The following PRR27 variants were observed in gnomAD, a reference collection of about 807,000 sequenced individuals.
PRR27 encodes proline-rich protein 27.
Under a neutral mutation model 16.8 loss-of-function variants are expected in PRR27, and 12 were observed. That is an observed-to-expected ratio of 0.71 (90% CI 0.46 to 1.16). The LOEUF is 1.16. Among genes scored for constraint, PRR27 ranks in the 50% most tolerant of loss-of-function variants. PRR27 has a pLI of 0.00. For missense variants in PRR27, 277 were observed against 273.3 expected, an observed-to-expected ratio of 1.01 and a Z score of -0.10; for synonymous variants, 100 against 98.4, an observed-to-expected ratio of 1.02 and a Z score of -0.10.
rs1728677733 is a variant in PRR27 at position 70,162,816 on chromosome 4, T to C, written c.*155T>C. On this transcript the variant is annotated 3_prime_UTR_variant, in exon 5 of 5. Coordinates refer to ENST00000344526, the MANE Select transcript of PRR27 (RefSeq NM_214711.4). ...TGATTTGTTTGTGGTAGTTTTTCCT[T>C]GGACTTAATTTATATTGAAAAAACA... 1 of 152,174 alleles carries C rather than the reference T, an allele frequency of 6.6e-6. No homozygotes were observed. The highest frequency in any genetic ancestry group is 2.4e-5 in the African/African-American group (1 of 41,448). 9.4% of individuals were successfully genotyped at this position (152,174 alleles called of 1,614,324 possible).
rs1728430771 is a variant in PRR27 at position 70,154,418 on chromosome 4, G to T, written c.43G>T (p.Ala15Ser). The stretch of plus-strand genomic sequence containing the variant: ...GGCCTGCATTGTATGTGTTGCTTTT[G>T]CAAGGAAGGTAAGTAAATGGACTTC... ...LWACIVCVAF[A>S]RKRRFPFIGE... The change falls in exon 1 of 5, where the codon GCA becomes TCA. Residue 15 changes from alanine to serine, a missense_variant. Physicochemically the swap from Ala to Ser is moderately conservative, Grantham distance 99. Transcript: ENST00000344526. 3.7e-6 allele frequency: 6 copies of T among 1,612,466 alleles called. No individual in the cohort carries two copies. Among genetic ancestry groups the T allele is most frequent in the Non-Finnish European group, 5.1e-6 (6 of 1,178,706 alleles).
At chr4:70,158,284 C>A in intron 2 of PRR27, 44 bp from the exon 3 acceptor site, 2 of 1,121,082 alleles carry the variant, frequency 1.8e-6, no homozygotes, top group Non-Finnish European at 2.5e-6. Flanking sequence ...AATATATAGA[C>A]AGGACAAATA....
rs1184758052 is a variant in PRR27, at chr4:70,158,715, G to T, written c.463G>T (p.Ala155Ser). The change falls in exon 3 of 5, where the codon GCA (alanine) becomes TCA (serine). Residue 155 changes from alanine to serine, a missense_variant. Transcript: ENST00000344526. ...AAEPAAGAPV[A>S]AEPAAEAPVG... The stretch of plus-strand genomic sequence containing the variant: ...TGAGCCTGCTGCAGGGGCCCCTGTT[G>T]CAGCTGAGCCTGCTGCAGAGGCACC... The T allele has an allele frequency of 5.7e-6, 9 of 1,581,412 alleles. No individual in the cohort carries two copies. The highest frequency in any genetic ancestry group is 7.8e-6 in the Non-Finnish European group (9 of 1,155,728).
At chr4:70,155,950 C>G in intron 1 of PRR27, 104 bp from the exon 2 acceptor site, 2 of 674,488 alleles carry the variant, frequency 3.0e-6, no homozygotes, top group Non-Finnish European at 5.0e-6. Context: ...AAAAATTAAC[C>G]ATAAGTATTA....
intron 2 of PRR27, among the ~76,000 whole-genome samples, chr4:70,156,878 T>C (rs1728494591): frequency 6.6e-6 from 1 of 152,210 alleles, no homozygotes; most frequent in South Asian, 2.1e-4. Flanking sequence ...TTGAATTTTT[T>C]TTTGCATCAT....
intron 3 of PRR27, 113 bp downstream of exon 3, chr4:70,159,013 C>T (rs867254774): frequency 1.6e-5 from 15 of 937,018 alleles, no homozygotes; most frequent in Middle Eastern, 5.9e-4. Context: ...TTTTGAACAG[C>T]TTTATTCAGA....
At position 70,158,487 on chromosome 4, in the gene PRR27, C is replaced by A. The variant is rs753884114; in HGVS notation, c.235C>A (p.Leu79Ile). ...DTGLPSYPWI[L>I]TSPGFPYVYH... Reference sequence around the variant, plus strand: ...AGGGTTACCTTCGTATCCCTGGATTCTAACTTCTCCTGGATTCCCCTATGT... The same window carrying A: ...AGGGTTACCTTCGTATCCCTGGATTATAACTTCTCCTGGATTCCCCTATGT... The change falls in exon 3 of 5, where the codon CTA becomes ATA. Residue 79 changes from leucine to isoleucine, a missense_variant. Physicochemically the swap from Leu to Ile is conservative, Grantham distance 5. Transcript: ENST00000344526. 2 of 1,614,164 alleles carry A rather than the reference C, an allele frequency of 1.2e-6. No individual in the cohort carries two copies. The highest frequency in any genetic ancestry group is 1.1e-5 in the South Asian group (1 of 91,086).
At chr4:70,159,771 C>A (rs139366020) in intron 3 of PRR27, among the ~76,000 whole-genome samples, 1 of 152,092 alleles carries the variant, frequency 6.6e-6, no homozygotes, top group Non-Finnish European at 1.5e-5. Context: ...TAAACAGGAA[C>A]GGATAAATGT....
chr4:70,162,467 A>G (rs1017539121), intron 4 of PRR27, among the ~76,000 whole-genome samples: 8 of 152,212 alleles, frequency 5.3e-5, no homozygotes, highest in Non-Finnish European at 8.8e-5. Flanking sequence ...TTAAATGAAC[A>G]ATTGGCTAGT....
chr4:70,158,958 A>T (rs531609996), intron 3 of PRR27, 58 bp downstream of exon 3: 47 of 898,942 alleles, frequency 5.2e-5, no homozygotes, highest in South Asian at 1.5e-4. Flanking sequence ...GTAGAAGGGG[A>T]AAAAAAAAAA....
At chr4:70,155,052 A>T (rs530981207) in intron 1 of PRR27, among the ~76,000 whole-genome samples, 1 of 152,180 alleles carries the variant, frequency 6.6e-6, no homozygotes, top group Admixed American at 6.5e-5. Flanking sequence ...AGGTAATTAT[A>T]TAAAGTGCTT....
chr4:70,158,296 A>AAACG (rs767523517), intron 2 of PRR27, 32 bp from the exon 3 acceptor site: 1 of 1,474,308 alleles, frequency 6.8e-7, no homozygotes, highest in South Asian at 1.2e-5. Flanking sequence ...GGACAAATAC[A>AAACG]ATCAACTTCG....
intron 1 of PRR27, 23 bp downstream of exon 1, chr4:70,154,449 T>C: frequency 6.4e-7 from 1 of 1,558,324 alleles, no homozygotes; most frequent in South Asian, 1.1e-5. Context: ...ACTTCCAAAA[T>C]TGTAACAATT....
In PRR27 at chr4:70,158,675, C is replaced by G. The variant is rs776371865; in HGVS notation, c.423C>G (p.Ala141=). Residue 141 remains alanine (A), a synonymous_variant, in exon 3 of 5, where the codon GCC becomes GCG. Transcript: ENST00000344526. The part of the protein sequence containing the change: ...AEPAAAAPLT[A]TPVAAEPAAG... ...CTGCTGCAGCTGCACCTCTTACAGC[C>G]ACACCTGTAGCAGCTGAGCCTGCTG... is the stretch of plus-strand genomic sequence containing the variant. 225 of 1,613,490 alleles carry G rather than the reference C, an allele frequency of 1.4e-4. No individual in the cohort carries two copies. The highest frequency in any genetic ancestry group is 1.7e-4 in the Non-Finnish European group (201 of 1,179,818).
At chr4:70,154,833 G>A in intron 1 of PRR27, 5 of 1,131,578 alleles carry the variant, frequency 4.4e-6, no homozygotes, top group Non-Finnish European at 5.9e-6. Flanking sequence ...TGGAATAGAA[G>A]TAAATGCACA....
chr4:70,156,974 T>G (rs1281552070), intron 2 of PRR27, among the ~76,000 whole-genome samples: 1 of 152,176 alleles, frequency 6.6e-6, no homozygotes, highest in Non-Finnish European at 1.5e-5. Context: ...ATGTGCCATG[T>G]TGGTGTGCTG....
chr4:70,156,514 G>A (rs1452852549), intron 2 of PRR27, among the ~76,000 whole-genome samples: 1 of 152,184 alleles, frequency 6.6e-6, no homozygotes, highest in Non-Finnish European at 1.5e-5. Context: ...CTTCAAGCTA[G>A]GAACCACTAG....
chr4:70,164,437 CA>C lies in PRR27; in HGVS notation c.*1777del, dbSNP rs1728720610. ...TTACTGTTATGTATAGCCATGAGGA[CA>C]TGGTCTCAAAAAATGAGAAACTTTC... is the stretch of plus-strand genomic sequence containing the variant. On this transcript the variant is annotated 3_prime_UTR_variant, in exon 5 of 5. Coordinates refer to ENST00000344526, the MANE Select transcript of PRR27 (RefSeq NM_214711.4). The C allele has an allele frequency of 6.6e-6, 1 of 152,106 alleles. No individual in the cohort carries two copies. Among genetic ancestry groups the C allele is most frequent in the South Asian group, 2.1e-4 (1 of 4,830 alleles). The allele number at this position is 152,106 out of a possible 1,614,324, so 9.4% of individuals were successfully genotyped here. A position where few individuals can be genotyped will look rare whatever the true frequency, so the allele number is the denominator to read the frequency against.
Position 70,154,268 on chromosome 4 carries a change from T to C in PRR27, c.-108T>C, listed in dbSNP as rs543195571. On this transcript the variant is annotated 5_prime_UTR_variant, in exon 1 of 5. It removes an upstream start codon present in the reference 5' UTR. Coordinates refer to ENST00000344526, the MANE Select transcript of PRR27 (RefSeq NM_214711.4). ...CTTCCTAGACAGACTAAAAAAGCCA[T>C]GTATTCTTTCGTTTCTCTCTAAAAG... is the stretch of plus-strand genomic sequence containing the variant. 2 of 913,066 alleles carry C rather than the reference T, an allele frequency of 2.2e-6. No homozygotes were observed. Among genetic ancestry groups the C allele is most frequent in the South Asian group, 1.5e-5 (1 of 65,746 alleles). The allele number at this position is 913,066 out of a possible 1,614,324, so 56.6% of individuals were successfully genotyped here.
Sources: allele counts gnomAD v4.1 joint callset (sites outside exome capture counted in the v4.1 genomes callset), GRCh38; gene constraint gnomAD v4.1.1; transcripts MANE v1.5; gene names NCBI Gene and HGNC (gene_info 2026-07-23, HGNC 2026-07-21).